Variants in HIVEP1 observed in about 807,000 individuals in gnomAD.
The protein encoded by HIVEP1 is HIVEP zinc finger 1, also known as zinc finger protein 40.
In HIVEP1, 36 loss-of-function variants were observed where a neutral mutation model predicts 180.0. That is an observed-to-expected ratio of 0.20 (90% CI 0.15 to 0.26). The LOEUF is 0.26. HIVEP1 is among the 10% of genes least tolerant of loss of function. HIVEP1 has a pLI of 1.00. For synonymous variants in HIVEP1, 1,239 were observed against 1,239.0 expected (o/e 1.00, Z 0.00); for missense variants, 3,143 against 3,268.7 (o/e 0.96, Z 0.94).
chr6:12,197,059 C>G, the HIVEP1 span, among the ~76,000 whole-genome samples: 1 of 152,140 alleles, frequency 6.6e-6, no homozygotes, highest in African/African-American at 2.4e-5. Context: ...AGTAGAGGCA[C>G]CATGTGTGAT....
the HIVEP1 span, among the ~76,000 whole-genome samples, chr6:12,178,410 G>A: frequency 3.3e-5 from 5 of 152,130 alleles, no homozygotes; most frequent in African/African-American, 7.2e-5. Context: ...GCAACATGGC[G>A]AGACCCCATC....
At chr6:12,194,766 C>T in the HIVEP1 span, among the ~76,000 whole-genome samples, 1 of 152,176 alleles carries the variant, frequency 6.6e-6, no homozygotes, top group Non-Finnish European at 1.5e-5. Context: ...CGCGCCACTG[C>T]ACTCCAGCCT....
At chr6:12,032,330 G>A (rs1769010617) in intron 2 of HIVEP1, among the ~76,000 whole-genome samples, 1 of 151,904 alleles carries the variant, frequency 6.6e-6, no homozygotes, top group South Asian at 2.1e-4. Flanking sequence ...TTTTAGTAGA[G>A]ACAGGGTTTC....
At chr6:12,150,825 T>A (rs903802357) in intron 7 of HIVEP1, among the ~76,000 whole-genome samples, 5 of 152,096 alleles carry the variant, frequency 3.3e-5, no homozygotes, top group South Asian at 2.1e-4. Flanking sequence ...TTTAAAAAAA[T>A]TTTTTCCCTA....
At chr6:12,061,241 T>C (rs1226540997) in intron 2 of HIVEP1, among the ~76,000 whole-genome samples, 1 of 152,238 alleles carries the variant, frequency 6.6e-6, no homozygotes, top group African/African-American at 2.4e-5. Context: ...TTCCTACACT[T>C]GATGTGATTT....
At chr6:12,049,678 G>A (rs1353164654) in intron 2 of HIVEP1, among the ~76,000 whole-genome samples, 2 of 152,150 alleles carry the variant, frequency 1.3e-5, no homozygotes, top group Non-Finnish European at 2.9e-5. Flanking sequence ...AAGATGGAGG[G>A]ATGATTTACA....
upstream of HIVEP1, chr6:12,008,452 C>A: frequency 6.6e-6 from 1 of 152,312 alleles, no homozygotes. Context: ...CAGGAAAGAC[C>A]ATACGGTGCA....
chr6:12,148,766 T>G lies in HIVEP1; in HGVS notation c.6488-12673T>G, dbSNP rs560169580. 2.0e-5 allele frequency among the ~76,000 whole-genome samples: 3 copies of G among 152,310 alleles called. No homozygotes were observed. In the East Asian group the frequency reaches 5.8e-4, roughly 29 times the overall value. On this transcript the variant is annotated intron_variant, in intron 7 of 8. Transcript: ENST00000379388. ...GCCTCTTTTATTCCAAACAGTGATT[T>G]TGGTGGCTTTTCAGACACCTTTCAT...
chr6:12,190,823 T>A, the HIVEP1 span, among the ~76,000 whole-genome samples: 1 of 152,064 alleles, frequency 6.6e-6, no homozygotes, highest in African/African-American at 2.4e-5. Context: ...TGGGTTGGAA[T>A]GCTAACATCT....
At chr6:12,051,005 T>TATATATAC (rs1487150129) in intron 2 of HIVEP1, among the ~76,000 whole-genome samples, 3 of 116,032 alleles carry the variant, frequency 2.6e-5, no homozygotes, top group Non-Finnish European at 4.9e-5. Context: ...CAAGTGCATA[T>TATATATAC]ATATATATAT....
intron 2 of HIVEP1, among the ~76,000 whole-genome samples, chr6:12,057,810 G>A (rs933884903): frequency 2.0e-5 from 3 of 152,160 alleles, no homozygotes; most frequent in Admixed American, 2.0e-4. Flanking sequence ...TTGGACAATG[G>A]GAGGGGAGTC....
intron 2 of HIVEP1, among the ~76,000 whole-genome samples, chr6:12,018,138 G>A (rs1767948204): frequency 6.6e-6 from 1 of 152,222 alleles, no homozygotes; most frequent in Admixed American, 6.5e-5. Flanking sequence ...GGGACCTGGC[G>A]CACCCTTCGC....
chr6:12,043,775 G>A (rs908320221), intron 2 of HIVEP1, among the ~76,000 whole-genome samples: 2 of 152,192 alleles, frequency 1.3e-5, no homozygotes, highest in Admixed American at 6.5e-5. Flanking sequence ...AACCGACGCT[G>A]ATCAGCGTCC....
intron 7 of HIVEP1, among the ~76,000 whole-genome samples, chr6:12,146,304 A>C (rs1759370761): frequency 6.6e-6 from 1 of 152,128 alleles, no homozygotes; most frequent in Non-Finnish European, 1.5e-5. Context: ...TTAGCCAGGC[A>C]TGATGGCGCA....
chr6:12,157,799 A>G (rs1490388437), intron 7 of HIVEP1, among the ~76,000 whole-genome samples: 2 of 152,058 alleles, frequency 1.3e-5, no homozygotes, highest in African/African-American at 4.8e-5. Context: ...TTTATTGTCC[A>G]CTAGGTCAAG....
At chr6:12,052,473 G>A (rs1770605024) in intron 2 of HIVEP1, among the ~76,000 whole-genome samples, 1 of 152,118 alleles carries the variant, frequency 6.6e-6, no homozygotes, top group Admixed American at 6.5e-5. Context: ...AAGTTATTTG[G>A]TCAGTTTGGA....
In HIVEP1 at chr6:12,030,489, A is replaced by T. The variant is rs12205721; in HGVS notation, c.40+14821A>T. On this transcript the variant is annotated intron_variant, in intron 2 of 8. Transcript: ENST00000379388. The stretch of plus-strand genomic sequence containing the variant: ...AATTTTTTTCTGTTCCTCAGATTGG[A>T]TACTTTTCATTGAGCTATCTTCAAA... Among the ~76,000 whole-genome samples the T allele has an allele frequency of 0.012, 1,791 of 152,014 alleles. 64 individuals are homozygous for T. The East Asian group carries it at 0.15, about 13-fold the overall frequency.
At chr6:12,053,078 A>T (rs1302257275) in intron 2 of HIVEP1, among the ~76,000 whole-genome samples, 3 of 152,194 alleles carry the variant, frequency 2.0e-5, no homozygotes, top group Non-Finnish European at 2.9e-5. Context: ...ATTTTCTTCA[A>T]GATCGGAAGA....
At chr6:12,170,434 G>A in the HIVEP1 span, among the ~76,000 whole-genome samples, 3 of 152,112 alleles carry the variant, frequency 2.0e-5, no homozygotes, top group African/African-American at 7.2e-5. Context: ...CCTACGGCGT[G>A]CCATCTATAA....
Sources: allele counts gnomAD v4.1 joint callset (sites outside exome capture counted in the v4.1 genomes callset), GRCh38; gene constraint gnomAD v4.1.1; transcripts MANE v1.5; gene names NCBI Gene and HGNC (gene_info 2026-07-23, HGNC 2026-07-21).